Variants in RNF169 observed in about 807,000 individuals in gnomAD.
The protein encoded by RNF169 is ring finger protein 169, also known as E3 ubiquitin-protein ligase RNF169.
RNF169 carries 24 observed loss-of-function variants against 53.9 expected under a neutral mutation model. The observed-to-expected ratio is 0.45, with a 90% CI of 0.32 to 0.63. RNF169 has a LOEUF of 0.63. Ranked by LOEUF, RNF169 falls within the 20% of genes least tolerant of loss-of-function variation. The pLI is 0.04. For missense variants in RNF169, 883 were observed against 906.2 expected (o/e 0.97, Z 0.33); for synonymous variants, 396 against 363.5 (o/e 1.09, Z -1.02).
At chr11:74,785,302 G>GTTATATATGTTATATATATTAGAT (rs2035483870) in intron 1 of RNF169, among the ~76,000 whole-genome samples, 1 of 140,738 alleles carries the variant, frequency 7.1e-6, no homozygotes, top group Non-Finnish European at 1.5e-5. Context: ...ATATATTAGA[G>GTTATATATGTTATATATATTAGAT]ATATATATAT....
chr11:74,789,365 G>T (rs1428883463), intron 1 of RNF169, among the ~76,000 whole-genome samples: 1 of 152,136 alleles, frequency 6.6e-6, no homozygotes, highest in Non-Finnish European at 1.5e-5. Flanking sequence ...CAACCTCAGT[G>T]GGATGTAGAT....
chr11:74,749,477 G>A, intron 1 of RNF169, 95 bp downstream of exon 1: 1 of 1,030,774 alleles, frequency 9.7e-7, no homozygotes, highest in Non-Finnish European at 1.2e-6. Context: ...GGCCCTACTC[G>A]GGCGGGTGTG....
At chr11:74,824,906 TAAG>T (rs746093304) in intron 4 of RNF169, among the ~76,000 whole-genome samples, 2 of 152,188 alleles carry the variant, frequency 1.3e-5, no homozygotes, top group African/African-American at 4.8e-5. Context: ...ACTCTGCAAT[TAAG>T]AGGAGGAGAT....
chr11:74,823,738 G>A (rs1447889777), intron 4 of RNF169, among the ~76,000 whole-genome samples: 89 of 105,714 alleles, frequency 8.4e-4, no homozygotes, highest in Middle Eastern at 4.3e-3. Context: ...CCCTGTCTCA[G>A]AAAAAAAAAA....
intron 2 of RNF169, among the ~76,000 whole-genome samples, chr11:74,806,642 C>T (rs753537106): frequency 3.9e-5 from 6 of 152,142 alleles, no homozygotes; most frequent in Non-Finnish European, 5.9e-5. Flanking sequence ...CTATTTGTAC[C>T]TGCATGGATG....
At chr11:74,826,184 G>T (rs544320524) in intron 4 of RNF169, among the ~76,000 whole-genome samples, 15 of 152,208 alleles carry the variant, frequency 9.9e-5, no homozygotes, top group African/African-American at 3.6e-4. Context: ...AAATTAGCTG[G>T]GTGTGGTGAC....
chr11:74,821,304 A>G (rs1487503745), intron 4 of RNF169, among the ~76,000 whole-genome samples: 4 of 152,320 alleles, frequency 2.6e-5, no homozygotes, highest in African/African-American at 9.6e-5. Context: ...ATCCTTCTGC[A>G]TTATGTTAGG....
intron 1 of RNF169, among the ~76,000 whole-genome samples, chr11:74,764,001 T>C (rs561763326): frequency 6.6e-6 from 1 of 152,266 alleles, no homozygotes; most frequent in Non-Finnish European, 1.5e-5. Context: ...CGTGAGCCAC[T>C]GCACCTGGTA....
intron 4 of RNF169, among the ~76,000 whole-genome samples, chr11:74,819,750 T>C (rs74629757): frequency 0.046 from 7,035 of 152,264 alleles, 541 homozygotes; most frequent in African/African-American, 0.16. Flanking sequence ...AGTGACCACA[T>C]TGATAAAATT....
chr11:74,756,655 G>C (rs933887573), intron 1 of RNF169, among the ~76,000 whole-genome samples: 3 of 152,116 alleles, frequency 2.0e-5, no homozygotes, highest in Non-Finnish European at 2.9e-5. Context: ...ATGAGAGAGG[G>C]AAATAGTACA....
In RNF169 at chr11:74,836,417, T is replaced by G; in HGVS notation, c.1814T>G (p.Val605Gly). 6.2e-7 allele frequency: 1 copy of G among 1,614,168 alleles called. No individual in the cohort carries two copies. Among genetic ancestry groups the G allele is most frequent in the Non-Finnish European group, 8.5e-7 (1 of 1,180,024 alleles). ...AATCATTTTGATCTGACTAATGGTGTTCTAGTTGAGAGCCTAAGTGAAGAG... is the reference window on the plus strand; with the variant it reads ...AATCATTTTGATCTGACTAATGGTGGTCTAGTTGAGAGCCTAAGTGAAGAG... ...TLNHFDLTNG[V>G]LVESLSEEPL... Residue 605 changes from valine to glycine, a missense_variant, in exon 6 of 6, where the codon GTT (valine) becomes GGT (glycine). Val to Gly is a moderately radical substitution (Grantham distance 109, BLOSUM62 -3). This residue lies in a region of RNF169 where 351 missense variants were observed against 337.3 expected (regional missense o/e 1.04). Transcript: ENST00000299563.
At chr11:74,829,377 C>G (rs1425530244) in intron 4 of RNF169, among the ~76,000 whole-genome samples, 1 of 152,168 alleles carries the variant, frequency 6.6e-6, no homozygotes, top group African/African-American at 2.4e-5. Context: ...AAAAGGAACA[C>G]TTCTACATTG....
At chr11:74,768,996 C>T (rs2035218387) in intron 1 of RNF169, among the ~76,000 whole-genome samples, 1 of 151,988 alleles carries the variant, frequency 6.6e-6, no homozygotes, top group Admixed American at 6.6e-5. Context: ...GCAGTGAGTG[C>T]TCTAGCCTGG....
chr11:74,748,910 C>T lies in RNF169; in HGVS notation c.30C>T (p.Ala10=), dbSNP rs772917429. The T allele has an allele frequency of 6.0e-5, 87 of 1,448,772 alleles. 1 individual carries two copies. The highest frequency in any genetic ancestry group is 3.6e-4 in the African/African-American group (24 of 67,318). The allele number at this position is 1,448,772 out of a possible 1,614,324, so 89.7% of individuals were successfully genotyped here. A position where few individuals can be genotyped will look rare whatever the true frequency, so the allele number is the denominator to read the frequency against. Residue 10 remains alanine (A), a synonymous_variant, in exon 1 of 6, where the codon GCC becomes GCT. Coordinates refer to ENST00000299563, the MANE Select transcript of RNF169 (RefSeq NM_001098638.2). MAAAGPSTR[A]SSAAAAAALS... ...CGGCTGCAGGTCCGAGTACTCGGGCCTCTTCCGCGGCGGCAGCAGCCGCTC... is the reference window on the plus strand; with the variant it reads ...CGGCTGCAGGTCCGAGTACTCGGGCTTCTTCCGCGGCGGCAGCAGCCGCTC...
intron 3 of RNF169, among the ~76,000 whole-genome samples, chr11:74,812,980 A>G (rs1259297939): frequency 6.6e-6 from 1 of 152,162 alleles, no homozygotes; most frequent in Non-Finnish European, 1.5e-5. Context: ...TCCCTTTTCA[A>G]GGTCTTTGCT....
rs1267605699 is a variant in RNF169 at position 74,749,287 on chromosome 11, G to T, written c.407G>T (p.Ser136Ile). The T allele has an allele frequency of 8.6e-7, 1 of 1,163,340 alleles. No individual in the cohort carries two copies. Among genetic ancestry groups the T allele is most frequent in the Non-Finnish European group, 1.1e-6 (1 of 944,978 alleles). The allele number at this position is 1,163,340 out of a possible 1,614,324, so 72.1% of individuals were successfully genotyped here. A position where few individuals can be genotyped will look rare whatever the true frequency, so the allele number is the denominator to read the frequency against. ...SEVLGECARRSQPERCRPRRD... is the reference protein window; with the variant it reads ...SEVLGECARRIQPERCRPRRD... ...GTGCTGGGCGAGTGCGCCCGCCGCA[G>T]CCAACCCGAGCGCTGCCGCCCGCGC... Residue 136 changes from serine (S) to isoleucine (I), a missense_variant, in exon 1 of 6, where the codon AGC becomes ATC. Around this residue, in one of 3 missense-constraint regions of RNF169, gnomAD observed 313 missense variants for 279.9 expected, o/e 1.12. Transcript: ENST00000299563.
intron 3 of RNF169, among the ~76,000 whole-genome samples, chr11:74,812,075 C>T (rs2035883237): frequency 1.3e-5 from 2 of 151,912 alleles, no homozygotes; most frequent in African/African-American, 4.9e-5. Flanking sequence ...GGAAATTGCT[C>T]TAATTATTTT....
intron 1 of RNF169, among the ~76,000 whole-genome samples, chr11:74,775,164 T>C (rs1037393209): frequency 2.6e-5 from 4 of 152,120 alleles, no homozygotes; most frequent in Non-Finnish European, 5.9e-5. Context: ...ATTATCATAG[T>C]AGAGAGGAAG....
chr11:74,795,433 C>G (rs1297527978), intron 2 of RNF169, among the ~76,000 whole-genome samples: 1 of 152,130 alleles, frequency 6.6e-6, no homozygotes, highest in Non-Finnish European at 1.5e-5. Context: ...ATCCTCCCTC[C>G]TGGGCCTCCT....
Sources: allele counts gnomAD v4.1 joint callset (sites outside exome capture counted in the v4.1 genomes callset), GRCh38; gene constraint gnomAD v4.1.1; regional missense constraint gnomAD v4.1.1; transcripts MANE v1.5; gene names NCBI Gene and HGNC (gene_info 2026-07-23, HGNC 2026-07-21).